GOLGA4: variants seen among roughly 807,000 people sequenced by gnomAD.
GOLGA4 encodes the protein golgin subfamily A member 4.
In GOLGA4, 169 loss-of-function variants were observed where a neutral mutation model predicts 265.9. The ratio of observed to expected loss-of-function variants is 0.64; its 90% confidence interval spans 0.56 to 0.72. GOLGA4 has a LOEUF of 0.72. GOLGA4 is among the 30% of genes least tolerant of loss of function. The probability of loss-of-function intolerance (pLI) is 0.00; values close to 1 mark genes in which losing one functional copy is unlikely to be tolerated. For missense variants in GOLGA4, 2,482 were observed against 2,483.4 expected (o/e 1.00, Z 0.01); for synonymous variants, 923 against 855.8 (o/e 1.08, Z -1.37).
intron 5 of GOLGA4, among the ~76,000 whole-genome samples, chr3:37,294,059 A>T (rs774606842): frequency 6.6e-6 from 1 of 152,204 alleles, no homozygotes; most frequent in Non-Finnish European, 1.5e-5. Context: ...CTTCCAGAAC[A>T]TTGTTATGTG....
intron 2 of GOLGA4, among the ~76,000 whole-genome samples, chr3:37,257,806 C>G (rs1008057639): frequency 1.6e-4 from 24 of 149,718 alleles, no homozygotes; most frequent in Admixed American, 1.1e-3. Context: ...GTAACCATGT[C>G]CATTGTTATC....
chr3:37,290,045 G>A (rs1418284103), intron 5 of GOLGA4, among the ~76,000 whole-genome samples: 1 of 152,120 alleles, frequency 6.6e-6, no homozygotes, highest in African/African-American at 2.4e-5. Context: ...GAAATAGGTA[G>A]CTTTAGGACA....
At position 37,324,649 on chromosome 3, in the gene GOLGA4, G is replaced by T; in HGVS notation, c.2763G>T (p.Lys921Asn). Residue 921 changes from lysine to asparagine, a missense_variant, in exon 14 of 24, where the codon AAG (lysine) becomes AAT (asparagine). Physicochemically the swap from Lys to Asn is moderately conservative, Grantham distance 94. Transcript: ENST00000361924. ...NMILQMREGQ[K>N]KEIEILTQKL... ...TTTTACAAATGAGAGAAGGACAGAA[G>T]AAAGAAATTGAGATACTCACACAGA... 6.2e-7 allele frequency: 1 copy of T among 1,612,600 alleles called. No individual in the cohort carries two copies. Among genetic ancestry groups the T allele is most frequent in the Non-Finnish European group, 8.5e-7 (1 of 1,179,284 alleles).
At chr3:37,258,757 C>A (rs1249483345) in intron 2 of GOLGA4, among the ~76,000 whole-genome samples, 3 of 152,174 alleles carry the variant, frequency 2.0e-5, no homozygotes, top group Non-Finnish European at 4.4e-5. Context: ...AACATTCCTT[C>A]CTAAATCCTT....
chr3:37,334,785 T>G (rs2097004024), intron 16 of GOLGA4, among the ~76,000 whole-genome samples: 1 of 150,748 alleles, frequency 6.6e-6, no homozygotes, highest in Non-Finnish European at 1.5e-5. Flanking sequence ...AGAGAGGGAG[T>G]GAGGGTGAGA....
At chr3:37,261,054 C>A (rs1316950399) in intron 2 of GOLGA4, among the ~76,000 whole-genome samples, 1 of 151,206 alleles carries the variant, frequency 6.6e-6, no homozygotes, top group Non-Finnish European at 1.5e-5. Flanking sequence ...CCTGTGGTCC[C>A]AAGCTACTTA....
At chr3:37,338,543 C>T (rs1402803544) in intron 19 of GOLGA4, among the ~76,000 whole-genome samples, 5 of 152,130 alleles carry the variant, frequency 3.3e-5, no homozygotes, top group African/African-American at 1.2e-4. Context: ...GAAAACTGCC[C>T]TAGCATAACA....
Position 37,319,147 on chromosome 3 carries a change from C to T in GOLGA4, c.1498C>T (p.Leu500Phe). ...AAAAGAGCAGGAACTGACCAAGAAGCTTCAGACCCGAGAAAGGGAATTTCA... is the reference window on the plus strand; with the variant it reads ...AAAAGAGCAGGAACTGACCAAGAAGTTTCAGACCCGAGAAAGGGAATTTCA... ...ARKEQELTKK[L>F]QTREREFQEQ... The change falls in exon 12 of 24, where the codon CTT becomes TTT. Residue 500 changes from leucine (L) to phenylalanine (F), a missense_variant. Leu to Phe is a conservative substitution (Grantham distance 22, BLOSUM62 0). Around this residue, in one of 3 missense-constraint regions of GOLGA4, gnomAD observed 1,536 missense variants for 1,483.7 expected, o/e 1.04. Transcript: ENST00000361924. The T allele has an allele frequency of 1.9e-6, 3 of 1,611,000 alleles. No homozygotes were observed. Among genetic ancestry groups the T allele is most frequent in the Non-Finnish European group, 2.5e-6 (3 of 1,178,232 alleles).
chr3:37,302,533 T>G lies in GOLGA4; in HGVS notation c.1234+201T>G, dbSNP rs115054409. On this transcript the variant is annotated intron_variant, in intron 10 of 23. Transcript: ENST00000361924. ...GGCCAGATCCAGCCCACAGCCTATT[T>G]ATGTACAGCCCTTAGGCTAAGGATG... is the stretch of plus-strand genomic sequence containing the variant. Among the ~76,000 whole-genome samples the G allele has an allele frequency of 1.8e-3, 277 of 152,372 alleles. 1 individual carries two copies. Among genetic ancestry groups the G allele is most frequent in the African/African-American group, 6.3e-3 (260 of 41,588 alleles).
chr3:37,244,999 C>T (rs2096715091), intron 1 of GOLGA4, among the ~76,000 whole-genome samples: 1 of 152,070 alleles, frequency 6.6e-6, no homozygotes, highest in Non-Finnish European at 1.5e-5. Flanking sequence ...GTAATTGAGC[C>T]AGGATTCCAT....
At chr3:37,287,236 G>T (rs2096852003) in intron 4 of GOLGA4, among the ~76,000 whole-genome samples, 1 of 152,148 alleles carries the variant, frequency 6.6e-6, no homozygotes, top group South Asian at 2.1e-4. Flanking sequence ...AGCTACTCGG[G>T]AGGCTGAGGC....
chr3:37,347,073 T>G (rs1046448458), intron 20 of GOLGA4, 120 bp from the exon 21 acceptor site: 16 of 573,984 alleles, frequency 2.8e-5, no homozygotes, highest in Non-Finnish European at 4.3e-5. Flanking sequence ...TGCAATATGA[T>G]ACAATATAAA....
chr3:37,262,570 C>T (rs2150673945), intron 2 of GOLGA4, among the ~76,000 whole-genome samples: 1 of 151,858 alleles, frequency 6.6e-6, no homozygotes, highest in Admixed American at 6.6e-5. Context: ...CAATAAAACT[C>T]AGACTGATGC....
chr3:37,269,908 T>G (rs2096793594), intron 2 of GOLGA4, among the ~76,000 whole-genome samples: 1 of 143,382 alleles, frequency 7.0e-6, no homozygotes, highest in Admixed American at 6.9e-5. Flanking sequence ...TTTTTTTTTT[T>G]TTTGAGGCAG....
rs569440862 is a variant in GOLGA4, at chr3:37,258,079, A to G, written c.162+6595A>G. ...TATGTATGTATATATGTATATATAT[A>G]TGTGTGTATATATATATGCTCTGTA... is the stretch of plus-strand genomic sequence containing the variant. On this transcript the variant is annotated intron_variant, in intron 2 of 23. Transcript: ENST00000361924. Among the ~76,000 whole-genome samples the G allele has an allele frequency of 9.9e-4, 127 of 128,512 alleles. 4 individuals carry two copies. Among genetic ancestry groups the G allele is most frequent in the Middle Eastern group, 4.0e-3 (1 of 248 alleles). The allele number at this position is 128,512 out of a possible 152,430, so 84.3% of individuals were successfully genotyped here. A position where few individuals can be genotyped will look rare whatever the true frequency, so the allele number is the denominator to read the frequency against.
At chr3:37,298,417 G>A (rs1327881804) in intron 7 of GOLGA4, among the ~76,000 whole-genome samples, 1 of 152,162 alleles carries the variant, frequency 6.6e-6, no homozygotes, top group African/African-American at 2.4e-5. Flanking sequence ...TTATCGATCT[G>A]GGTGTTGCCA....
At chr3:37,301,176 G>C (rs1476930901) in intron 9 of GOLGA4, among the ~76,000 whole-genome samples, 2 of 152,292 alleles carry the variant, frequency 1.3e-5, no homozygotes, top group African/African-American at 4.8e-5. Flanking sequence ...ATTTTTTCAA[G>C]AGACAAGTGA....
At chr3:37,363,175 C>G (rs1696468157) in intron 23 of GOLGA4, among the ~76,000 whole-genome samples, 1 of 152,026 alleles carries the variant, frequency 6.6e-6, no homozygotes, top group African/African-American at 2.4e-5. Flanking sequence ...AGCGATTATC[C>G]AGAACTGTCT....
At chr3:37,344,527 C>G (rs375445911) in intron 20 of GOLGA4, among the ~76,000 whole-genome samples, 2 of 115,930 alleles carry the variant, frequency 1.7e-5, no homozygotes, top group Non-Finnish European at 1.7e-5. Context: ...GAGATGAGGT[C>G]TTTCTATGTT....
Sources: allele counts gnomAD v4.1 joint callset (sites outside exome capture counted in the v4.1 genomes callset), GRCh38; gene constraint gnomAD v4.1.1; regional missense constraint gnomAD v4.1.1; transcripts MANE v1.5; gene names NCBI Gene and HGNC (gene_info 2026-07-23, HGNC 2026-07-21).